The following TRANK1 variants were observed in gnomAD, a reference collection of about 807,000 sequenced individuals.
TRANK1 encodes the protein TPR and ankyrin repeat-containing protein 1.
In TRANK1, 198 loss-of-function variants were observed where a neutral mutation model predicts 266.0. That is an observed-to-expected ratio of 0.74 (90% CI 0.66 to 0.84). TRANK1 has a LOEUF of 0.84. Ranked by LOEUF, TRANK1 falls within the 40% of genes least tolerant of loss-of-function variation. TRANK1 has a pLI of 0.00. For synonymous variants in TRANK1, 1,396 were observed against 1,384.1 expected (o/e 1.01, Z -0.19); for missense variants, 3,326 against 3,634.6 (o/e 0.92, Z 2.18).
In TRANK1 at chr3:36,874,220, A is replaced by T. The variant is rs540836920; in HGVS notation, c.984T>A (p.Val328=). 6.5e-7 allele frequency: 1 copy of T among 1,537,222 alleles called. No individual in the cohort carries two copies. The highest frequency in any genetic ancestry group is 2.4e-5 in the East Asian group (1 of 40,920). The stretch of plus-strand genomic sequence containing the variant: ...TCTTATTCCTCTTCAGGACATCCAC[A>T]ACAGACCGAGACTGTCGATCCAGCA... ...PTLLDRQSRS[V]VDVLKRNKNF... The change falls in exon 9 of 24, where the codon GTT becomes GTA. Residue 328 remains valine (V), a synonymous_variant. Coordinates refer to ENST00000645898, the MANE Select transcript of TRANK1 (RefSeq NM_001329998.2).
chr3:36,918,548 A>AAGGT (rs2080165157), intron 1 of TRANK1, among the ~76,000 whole-genome samples: 7 of 59,242 alleles, frequency 1.2e-4, no homozygotes, highest in East Asian at 4.2e-4. Context: ...GGAAGGAAGG[A>AAGGT]AGGAAGGAAG....
chr3:36,871,363 G>A (rs1189403595), intron 9 of TRANK1, among the ~76,000 whole-genome samples: 1 of 152,162 alleles, frequency 6.6e-6, no homozygotes, highest in East Asian at 1.9e-4. Flanking sequence ...ACTCCAGCCT[G>A]GGTGACAAGA....
chr3:36,840,471 G>T (rs1030196346), intron 18 of TRANK1, among the ~76,000 whole-genome samples: 1 of 151,982 alleles, frequency 6.6e-6, no homozygotes, highest in Admixed American at 6.5e-5. Flanking sequence ...ACTCCTCCCT[G>T]TATCTGTCCA....
intron 1 of TRANK1, among the ~76,000 whole-genome samples, chr3:36,922,178 G>A (rs1484917432): frequency 1.3e-5 from 2 of 151,950 alleles, no homozygotes; most frequent in Non-Finnish European, 2.9e-5. Flanking sequence ...AATAAAAAAT[G>A]AAAGCAGGGC....
intron 9 of TRANK1, among the ~76,000 whole-genome samples, chr3:36,873,850 T>C (rs2079345181): frequency 7.3e-6 from 1 of 136,960 alleles, no homozygotes; most frequent in South Asian, 2.5e-4. Flanking sequence ...GCTGTGTACA[T>C]GCATGGGAAA....
At position 36,855,698 on chromosome 3, in the gene TRANK1, T is replaced by G. The variant is rs777110651; in HGVS notation, c.4024A>C (p.Asn1342His). The G allele has an allele frequency of 2.4e-5, 39 of 1,613,704 alleles. No individual in the cohort carries two copies. In the South Asian group the frequency reaches 4.2e-4, roughly 17 times the overall value. The change falls in exon 13 of 24, where the codon AAC becomes CAC. Residue 1342 changes from asparagine to histidine, a missense_variant. Coordinates refer to ENST00000645898, the MANE Select transcript of TRANK1 (RefSeq NM_001329998.2). ...PKMTKGRTAY[N>H]PALIWKEIKS... ...ATTTCTTTCCAAATCAGTGCAGGGT[T>G]GTAGGCAGTCCTCCCTTTGGTCATT...
intron 9 of TRANK1, among the ~76,000 whole-genome samples, chr3:36,871,851 T>C (rs2079314534): frequency 6.6e-6 from 1 of 152,222 alleles, no homozygotes; most frequent in Non-Finnish European, 1.5e-5. Flanking sequence ...TTTCTCACTC[T>C]GGCAATTGCA....
chr3:36,901,613 G>A (rs952907005), intron 3 of TRANK1, among the ~76,000 whole-genome samples: 2 of 152,076 alleles, frequency 1.3e-5, no homozygotes, highest in Admixed American at 6.6e-5. Context: ...CTTTTCTCTC[G>A]TTAATCTGTC....
chr3:36,857,675 C>T lies in TRANK1; in HGVS notation c.2047G>A (p.Gly683Ser). The part of the protein sequence containing the change: ...PGHTSQLKSQ[G>S]SFKSVPCGAT... ...CCACATGGCACTGACTTGAATGAAC[C>T]CTGGGACTTGAGCTGAGATGTGTGA... is the stretch of plus-strand genomic sequence containing the variant. The change falls in exon 13 of 24, where the codon GGT becomes AGT. Residue 683 changes from glycine (G) to serine (S), a missense_variant. Coordinates refer to ENST00000645898, the MANE Select transcript of TRANK1 (RefSeq NM_001329998.2). This position sits in a 1 kb window ranked among gnomAD's most constrained non-coding sequence, Gnocchi z 4.3. 1 of 1,613,956 alleles carries T rather than the reference C, an allele frequency of 6.2e-7. No individual in the cohort carries two copies. Among genetic ancestry groups the T allele is most frequent in the Non-Finnish European group, 8.5e-7 (1 of 1,179,884 alleles).
intron 23 of TRANK1, among the ~76,000 whole-genome samples, chr3:36,828,894 G>C (rs1291897493): frequency 1.3e-5 from 2 of 152,162 alleles, no homozygotes; most frequent in African/African-American, 4.8e-5. Flanking sequence ...GTCCCTTCAA[G>C]TTTTCCCCAC....
chr3:36,829,794 C>T (rs767014722), intron 22 of TRANK1, 132 bp from the exon 23 acceptor site: 2 of 909,850 alleles, frequency 2.2e-6, no homozygotes, highest in South Asian at 1.6e-5. Context: ...CCCTCCTTAT[C>T]GGGTAAGGGA....
Position 36,892,931 on chromosome 3 carries a change from G to T in TRANK1, c.606C>A (p.Val202=). 6.6e-7 allele frequency: 1 copy of T among 1,511,916 alleles called. No individual in the cohort carries two copies. Among genetic ancestry groups the T allele is most frequent in the Non-Finnish European group, 8.8e-7 (1 of 1,137,584 alleles). The allele number at this position is 1,511,916 out of a possible 1,614,324, so 93.7% of individuals were successfully genotyped here. A position where few individuals can be genotyped will look rare whatever the true frequency, so the allele number is the denominator to read the frequency against. The change falls in exon 6 of 24, where the codon GTC becomes GTA. Residue 202 remains valine, a synonymous_variant. Coordinates refer to ENST00000645898, the MANE Select transcript of TRANK1 (RefSeq NM_001329998.2). ...AGAGACTTTTCAGTGATAACTCTGG[G>T]ACATGAATATTTCTTGGTAATCGGT... ...KKDRLPRNIH[V]PELSLKSLFE... is the part of the protein sequence containing the mutation.
chr3:36,879,892 G>GTAAACATGCAAATATATGTAAACATA (rs1559449240), intron 8 of TRANK1, among the ~76,000 whole-genome samples: 1 of 34,038 alleles, frequency 2.9e-5, no homozygotes, highest in Non-Finnish European at 4.4e-5. Context: ...ATGTAAACAT[G>GTAAACATGCAAATATATGTAAACATA]CAAATATATG....
chr3:36,889,966 G>A lies in TRANK1; in HGVS notation c.776-6C>T. On this transcript the variant is annotated splice_polypyrimidine_tract_variant and splice_region_variant and intron_variant, in intron 7 of 23. Coordinates refer to ENST00000645898, the MANE Select transcript of TRANK1 (RefSeq NM_001329998.2). ...CCGGAAAAGATGGTTTTCTCCTGAA[G>A]GGAATTAAAATGACTTACTAATGTT... 1.3e-6 allele frequency: 2 copies of A among 1,536,598 alleles called. No homozygotes were observed. Among genetic ancestry groups the A allele is most frequent in the Non-Finnish European group, 1.7e-6 (2 of 1,146,638 alleles).
Position 36,830,932 on chromosome 3 carries a change from T to C in TRANK1, c.8651A>G (p.His2884Arg). The change falls in exon 22 of 24, where the codon CAC (histidine) becomes CGC (arginine). Residue 2884 changes from histidine to arginine, a missense_variant. Transcript: ENST00000645898. ...CACCATATCCGAAACCCTCTTGATG[T>C]GCTCCTGGACCTTCTGCAGCATGTG... ...HSHMLQKVQE[H>R]IKRVSDMVED... 1 of 1,613,918 alleles carries C rather than the reference T, an allele frequency of 6.2e-7. No individual in the cohort carries two copies. Among genetic ancestry groups the C allele is most frequent in the Non-Finnish European group, 8.5e-7 (1 of 1,179,808 alleles).
At chr3:36,834,134 T>G (rs1479909425) in intron 21 of TRANK1, among the ~76,000 whole-genome samples, 2 of 152,246 alleles carry the variant, frequency 1.3e-5, no homozygotes, top group Non-Finnish European at 2.9e-5. Flanking sequence ...TATGCTTCAA[T>G]CAGGAATTGG....
Position 36,828,160 on chromosome 3 carries a change from C to T in TRANK1, c.*115G>A. 1.4e-6 allele frequency: 1 copy of T among 735,634 alleles called. No homozygotes were observed. Among genetic ancestry groups the T allele is most frequent in the South Asian group, 1.7e-5 (1 of 58,244 alleles). 45.6% of individuals were successfully genotyped at this position (735,634 alleles called of 1,614,324 possible). On this transcript the variant is annotated 3_prime_UTR_variant, in exon 24 of 24. Transcript: ENST00000645898. The stretch of plus-strand genomic sequence containing the variant: ...AATAAAAAGCAATGGTGTTGTTAGA[C>T]TCCCCTATTTTTAAAATGCTAATTC...
intron 3 of TRANK1, 135 bp downstream of exon 3, chr3:36,903,014 G>A (rs1427185636): frequency 3.4e-6 from 4 of 1,166,568 alleles, no homozygotes; most frequent in Non-Finnish European, 3.5e-6. Flanking sequence ...AAAGAGGCAG[G>A]CTAAAAGGAA....
At chr3:36,878,073 G>C (rs557943663) in intron 8 of TRANK1, among the ~76,000 whole-genome samples, 3 of 152,264 alleles carry the variant, frequency 2.0e-5, no homozygotes, top group Admixed American at 1.3e-4. Flanking sequence ...GTTAGGAAGC[G>C]GGCCTCACAG....
Sources: allele counts gnomAD v4.1 joint callset (sites outside exome capture counted in the v4.1 genomes callset), GRCh38; gene constraint gnomAD v4.1.1; non-coding constraint Gnocchi (gnomAD v3.1); transcripts MANE v1.5; gene names NCBI Gene and HGNC (gene_info 2026-07-23, HGNC 2026-07-21).